Variants in MAGI1 observed in about 807,000 individuals in gnomAD.
MAGI1 encodes membrane-associated guanylate kinase, WW and PDZ domain-containing protein 1.
In MAGI1, 58 loss-of-function variants were observed where a neutral mutation model predicts 139.9. The ratio of observed to expected loss-of-function variants is 0.41; its 90% CI spans 0.34 to 0.52. The LOEUF is 0.52. Ranked by LOEUF, MAGI1 falls within the 20% of genes least tolerant of loss-of-function variation. The pLI, the probability that MAGI1 is intolerant of heterozygous loss-of-function variation, is 0.12. For missense variants in MAGI1, 1,874 were observed against 1,901.6 expected (o/e 0.99, Z 0.27); for synonymous variants, 812 against 737.9 (o/e 1.10, Z -1.63).
intron 1 of MAGI1, among the ~76,000 whole-genome samples, chr3:65,989,954 G>A (rs72910909): frequency 1.4e-3 from 210 of 152,308 alleles, no homozygotes; most frequent in African/African-American, 4.9e-3. Context: ...TAAAGTTTAA[G>A]AAGTAATTTG....
At chr3:65,971,694 A>G (rs1305614262) in intron 1 of MAGI1, among the ~76,000 whole-genome samples, 1 of 152,200 alleles carries the variant, frequency 6.6e-6, no homozygotes, top group Non-Finnish European at 1.5e-5. Flanking sequence ...CGGGCACATC[A>G]TCACTTCCAC....
chr3:65,770,902 A>T (rs1378658812), intron 1 of MAGI1, among the ~76,000 whole-genome samples: 1 of 151,872 alleles, frequency 6.6e-6, no homozygotes, highest in Non-Finnish European at 1.5e-5. Context: ...CATGTTGGCC[A>T]GGATGGTCTT....
At chr3:65,937,417 G>A (rs1423568538) in intron 1 of MAGI1, among the ~76,000 whole-genome samples, 1 of 152,112 alleles carries the variant, frequency 6.6e-6, no homozygotes, top group African/African-American at 2.4e-5. Context: ...GGCTCACCAG[G>A]AAATTGTTTA....
intron 16 of MAGI1, chr3:65,380,716 C>CA (rs1942975616): frequency 6.6e-6 from 1 of 151,956 alleles, no homozygotes; most frequent in African/African-American, 2.4e-5. Flanking sequence ...AAACCTGAAA[C>CA]AACAAAAAAA....
At position 65,566,955 on chromosome 3, in the gene MAGI1, T is replaced by C. The variant is rs562263637; in HGVS notation, c.430+55017A>G. 6.6e-5 allele frequency among the ~76,000 whole-genome samples: 10 copies of C among 152,254 alleles called. No homozygotes were observed. In the East Asian group the frequency reaches 9.7e-4, roughly 15 times the overall value. On this transcript the variant is annotated intron_variant, in intron 2 of 22. Coordinates refer to ENST00000402939, the MANE Select transcript of MAGI1 (RefSeq NM_001033057.2). ...GCATCTACATGGCTGTACATCGACA[T>C]TGTTTGGAGATCATGATAAAAGTCT...
intron 1 of MAGI1, among the ~76,000 whole-genome samples, chr3:65,663,560 C>A (rs2086325783): frequency 6.6e-6 from 1 of 152,174 alleles, no homozygotes; most frequent in African/African-American, 2.4e-5. Flanking sequence ...AACTAAAGGG[C>A]TTTGTGTCTT....
intron 13 of MAGI1, among the ~76,000 whole-genome samples, chr3:65,394,187 T>A (rs1024432660): frequency 6.6e-6 from 1 of 152,134 alleles, no homozygotes; most frequent in African/African-American, 2.4e-5. Context: ...CCACCAGAAA[T>A]AGAGAGTGCA....
chr3:65,468,153 G>A (rs950371831), intron 5 of MAGI1, among the ~76,000 whole-genome samples: 1 of 152,066 alleles, frequency 6.6e-6, no homozygotes, highest in African/African-American at 2.4e-5. Context: ...GTAAATGATG[G>A]AAACAACATG....
At chr3:65,432,110 A>C (rs1369270905) in intron 10 of MAGI1, among the ~76,000 whole-genome samples, 2 of 152,200 alleles carry the variant, frequency 1.3e-5, no homozygotes, top group South Asian at 2.1e-4. Context: ...AACATTTTGA[A>C]CATAAACCAA....
chr3:65,767,698 A>G (rs1383557262), intron 1 of MAGI1, among the ~76,000 whole-genome samples: 1 of 152,154 alleles, frequency 6.6e-6, no homozygotes, highest in African/African-American at 2.4e-5. Context: ...CCAAACCAAA[A>G]TGGGGTTACT....
At chr3:65,396,637 T>C (rs773993212) in intron 13 of MAGI1, among the ~76,000 whole-genome samples, 14 of 152,236 alleles carry the variant, frequency 9.2e-5, no homozygotes, top group African/African-American at 2.4e-4. Context: ...AAAGAATTCA[T>C]GTGGCTTAAA....
chr3:65,492,087 T>A (rs1381131235), intron 3 of MAGI1, among the ~76,000 whole-genome samples: 1 of 152,212 alleles, frequency 6.6e-6, no homozygotes, highest in South Asian at 2.1e-4. Flanking sequence ...GTATTTACCC[T>A]TTATGTTTAA....
intron 2 of MAGI1, among the ~76,000 whole-genome samples, chr3:65,562,426 T>C (rs947448708): frequency 6.6e-6 from 1 of 152,214 alleles, no homozygotes; most frequent in African/African-American, 2.4e-5. Flanking sequence ...TATAGTATTG[T>C]AAAAAAGTAA....
At chr3:65,861,121 G>T in intron 1 of MAGI1, among the ~76,000 whole-genome samples, 1 of 152,148 alleles carries the variant, frequency 6.6e-6, no homozygotes, top group Admixed American at 6.5e-5. Context: ...ACACTCAAAA[G>T]GATGAGTGAC....
intron 1 of MAGI1, among the ~76,000 whole-genome samples, chr3:65,844,709 A>T (rs550518779): frequency 6.6e-6 from 1 of 152,262 alleles, no homozygotes; most frequent in South Asian, 2.1e-4. Context: ...AAGAAACTGA[A>T]AACCCAATTC....
chr3:65,485,456 G>C (rs1951565878), intron 3 of MAGI1, among the ~76,000 whole-genome samples: 1 of 152,100 alleles, frequency 6.6e-6, no homozygotes, highest in African/African-American at 2.4e-5. Context: ...AGTTCACACA[G>C]TATAAAGACA....
At chr3:65,630,958 C>A (rs1308098969) in intron 1 of MAGI1, among the ~76,000 whole-genome samples, 1 of 152,202 alleles carries the variant, frequency 6.6e-6, no homozygotes, top group Non-Finnish European at 1.5e-5. Context: ...TGTAACAATG[C>A]ACTGAGAGGA....
chr3:65,829,002 T>A (rs12632067), intron 1 of MAGI1, among the ~76,000 whole-genome samples: 1 of 151,886 alleles, frequency 6.6e-6, no homozygotes, highest in Non-Finnish European at 1.5e-5. Flanking sequence ...ACAACCACAA[T>A]GAGCTGATTT....
intron 2 of MAGI1, chr3:65,597,974 C>G: frequency 2.2e-6 from 1 of 451,270 alleles, no homozygotes; most frequent in Non-Finnish European, 4.4e-6. Flanking sequence ...GGGGGCGCCT[C>G]GGCCACCTGA....
Sources: allele counts gnomAD v4.1 joint callset (sites outside exome capture counted in the v4.1 genomes callset), GRCh38; gene constraint gnomAD v4.1.1; transcripts MANE v1.5; gene names NCBI Gene and HGNC (gene_info 2026-07-23, HGNC 2026-07-21).